The following PPARG variants were observed in gnomAD, a reference collection of about 807,000 sequenced individuals.
PPARG encodes peroxisome proliferator-activated receptor gamma.
PPARG carries 17 observed loss-of-function variants against 39.2 expected under a neutral mutation model. The observed-to-expected ratio is 0.43, with a 90% CI of 0.30 to 0.65. PPARG has a LOEUF of 0.65. Among genes scored for constraint, PPARG ranks in the 30% least tolerant of loss-of-function variants. PPARG has a pLI of 0.13. For missense variants in PPARG, 406 were observed against 585.9 expected (o/e 0.69, Z 3.17); for synonymous variants, 223 against 215.7 (o/e 1.03, Z -0.30).
At chr3:12,303,559 A>T (rs2046983882) in intron 1 of PPARG, among the ~76,000 whole-genome samples, 1 of 152,146 alleles carries the variant, frequency 6.6e-6, no homozygotes, top group Admixed American at 6.5e-5. Flanking sequence ...AGACACTGGG[A>T]CCAGAGCAGT....
intron 2 of PPARG, among the ~76,000 whole-genome samples, chr3:12,319,301 A>G (rs937315544): frequency 2.6e-5 from 4 of 152,228 alleles, no homozygotes; most frequent in Non-Finnish European, 4.4e-5. Flanking sequence ...TGTTAAGTTG[A>G]TCCTAAAATA....
chr3:12,334,595 C>T (rs1441141577), intron 2 of PPARG, among the ~76,000 whole-genome samples: 1 of 152,158 alleles, frequency 6.6e-6, no homozygotes, highest in Admixed American at 6.6e-5. Flanking sequence ...GGCCAAGTTA[C>T]ATAGCTTCTG....
chr3:12,355,380 C>A (rs1000898820), intron 2 of PPARG, among the ~76,000 whole-genome samples: 1 of 152,164 alleles, frequency 6.6e-6, no homozygotes, highest in East Asian at 1.9e-4. Flanking sequence ...AAGGAATTCT[C>A]CCGCCTCGAC....
intron 5 of PPARG, among the ~76,000 whole-genome samples, chr3:12,393,444 T>C (rs1575107207): frequency 6.6e-6 from 1 of 152,104 alleles, no homozygotes; most frequent in East Asian, 1.9e-4. Context: ...AGACCCATGT[T>C]TTCATGATCT....
intron 5 of PPARG, among the ~76,000 whole-genome samples, chr3:12,401,944 G>C (rs2050491092): frequency 6.6e-6 from 1 of 152,100 alleles, no homozygotes; most frequent in Admixed American, 6.5e-5. Flanking sequence ...TTCTAAAATG[G>C]TTTTTCGGGG....
At chr3:12,390,675 C>G (rs1456360292) in intron 4 of PPARG, among the ~76,000 whole-genome samples, 1 of 117,546 alleles carries the variant, frequency 8.5e-6, no homozygotes, top group Non-Finnish European at 1.6e-5. Context: ...ATGTCTCACT[C>G]TGTCACCCAG....
At chr3:12,312,822 T>A (rs1325331217) in intron 2 of PPARG, among the ~76,000 whole-genome samples, 1 of 152,236 alleles carries the variant, frequency 6.6e-6, no homozygotes, top group African/African-American at 2.4e-5. Flanking sequence ...TCTTTCATGG[T>A]TCCCTATTGG....
intron 2 of PPARG, among the ~76,000 whole-genome samples, chr3:12,362,918 T>G (rs111232588): frequency 0.013 from 1,909 of 152,280 alleles, 46 homozygotes; most frequent in African/African-American, 0.044. Flanking sequence ...TTATATCAAA[T>G]GCTTTCATAG....
chr3:12,333,783 T>C (rs1303592207), intron 2 of PPARG, among the ~76,000 whole-genome samples: 1 of 152,172 alleles, frequency 6.6e-6, no homozygotes. Context: ...CATACGACAT[T>C]AGTGACTGAG....
intron 1 of PPARG, among the ~76,000 whole-genome samples, chr3:12,295,067 C>G (rs1460778670): frequency 6.6e-6 from 1 of 152,154 alleles, no homozygotes; most frequent in African/African-American, 2.4e-5. Flanking sequence ...GGGCTACCCT[C>G]GTGCCTCATG....
At chr3:12,326,824 G>C (rs912313666) in intron 2 of PPARG, among the ~76,000 whole-genome samples, 1 of 152,052 alleles carries the variant, frequency 6.6e-6, no homozygotes, top group Non-Finnish European at 1.5e-5. Context: ...AGACAAGATC[G>C]GGCGTGTTCA....
chr3:12,295,421 A>G (rs1425308235), intron 1 of PPARG, among the ~76,000 whole-genome samples: 2 of 152,166 alleles, frequency 1.3e-5, no homozygotes, highest in Non-Finnish European at 2.9e-5. Context: ...ATGTTTTCCT[A>G]AAGAATTTGG....
intron 2 of PPARG, among the ~76,000 whole-genome samples, chr3:12,372,851 G>A (rs2049271146): frequency 6.6e-6 from 1 of 152,126 alleles, no homozygotes; most frequent in Admixed American, 6.6e-5. Flanking sequence ...AGCATTTAAA[G>A]CCAAGTTTGA....
At chr3:12,317,738 C>T (rs2047428276) in intron 2 of PPARG, among the ~76,000 whole-genome samples, 1 of 152,078 alleles carries the variant, frequency 6.6e-6, no homozygotes, top group Non-Finnish European at 1.5e-5. Context: ...CAATTAATTA[C>T]CTTACTCTTG....
chr3:12,427,278 CGTG>C (rs2125309908), intron 7 of PPARG, among the ~76,000 whole-genome samples: 1 of 147,092 alleles, frequency 6.8e-6, no homozygotes, highest in Non-Finnish European at 1.5e-5. Context: ...ATTGGGGCAC[CGTG>C]GGTTTTTTGT....
At chr3:12,419,091 C>T (rs572204511) in intron 7 of PPARG, among the ~76,000 whole-genome samples, 2 of 151,506 alleles carry the variant, frequency 1.3e-5, no homozygotes, top group African/African-American at 2.4e-5. Context: ...ATTACAGGCA[C>T]ATGCCACCAC....
At chr3:12,429,647 G>A (rs747917343) in intron 7 of PPARG, among the ~76,000 whole-genome samples, 22 of 151,898 alleles carry the variant, frequency 1.4e-4, no homozygotes, top group Admixed American at 1.3e-3. Flanking sequence ...GCCTAGCCCA[G>A]GCTGAGTGGT....
At chr3:12,417,292 A>G in intron 7 of PPARG, 138 bp downstream of exon 7, 2 of 883,124 alleles carry the variant, frequency 2.3e-6, no homozygotes, top group Non-Finnish European at 3.6e-6. Flanking sequence ...TCATCACTAC[A>G]CGTGCAAAAC....
chr3:12,361,013 A>G (rs1473914153), intron 2 of PPARG, among the ~76,000 whole-genome samples: 2 of 152,136 alleles, frequency 1.3e-5, no homozygotes, highest in Non-Finnish European at 2.9e-5. Flanking sequence ...AGAAATCTAT[A>G]CTTCTACTAG....
Sources: gnomAD v4.1 joint callset for allele counts (sites outside exome capture counted in the v4.1 genomes callset) on GRCh38, gnomAD v4.1.1 for gene constraint, MANE v1.5 for transcripts, NCBI Gene and HGNC (gene_info 2026-07-23, HGNC 2026-07-21) for gene names.